Variants in MYRFL observed in about 807,000 individuals in gnomAD.
MYRFL encodes the protein myelin regulatory factor like.
MYRFL carries 88 observed loss-of-function variants against 109.4 expected under a neutral mutation model. That is an observed-to-expected ratio of 0.80 (90% CI 0.68 to 0.96). The LOEUF (loss-of-function observed/expected upper bound fraction) is 0.96. MYRFL is among the 40% of genes least tolerant of loss of function. MYRFL has a pLI of 0.00. For synonymous variants in MYRFL, 324 were observed against 320.9 expected (o/e 1.01, Z -0.10); for missense variants, 957 against 954.9 (o/e 1.00, Z -0.03).
intron 19 of MYRFL, among the ~76,000 whole-genome samples, chr12:69,940,732 G>C (rs1351963916): frequency 4.1e-5 from 6 of 147,310 alleles, no homozygotes; most frequent in African/African-American, 1.5e-4. Flanking sequence ...AAAAGACACA[G>C]ACTGGCAAAT....
chr12:69,950,932 A>G (rs1006106356), intron 19 of MYRFL, among the ~76,000 whole-genome samples: 16 of 152,244 alleles, frequency 1.1e-4, no homozygotes, highest in Non-Finnish European at 2.4e-4. Flanking sequence ...AAAGAAAGAC[A>G]GTTTCCATAG....
chr12:69,844,397 G>A (rs939031477), intron 1 of MYRFL, among the ~76,000 whole-genome samples: 10 of 152,198 alleles, frequency 6.6e-5, no homozygotes, highest in Non-Finnish European at 1.3e-4. Context: ...TGTGTGGCGG[G>A]TGTGGAGGGG....
intron 19 of MYRFL, among the ~76,000 whole-genome samples, chr12:69,944,805 C>T (rs910960613): frequency 4.6e-5 from 7 of 152,066 alleles, no homozygotes; most frequent in African/African-American, 1.7e-4. Context: ...TGCAGCAAAC[C>T]ACCAAGGCGT....
At chr12:69,911,264 A>G (rs1954560038) in intron 13 of MYRFL, among the ~76,000 whole-genome samples, 1 of 152,232 alleles carries the variant, frequency 6.6e-6, no homozygotes, top group Non-Finnish European at 1.5e-5. Flanking sequence ...CTGACAAAAA[A>G]GTTTTAATTA....
chr12:69,885,291 T>C (rs1416618492), intron 5 of MYRFL, among the ~76,000 whole-genome samples: 1 of 151,880 alleles, frequency 6.6e-6, no homozygotes, highest in Non-Finnish European at 1.5e-5. Context: ...TTAAGTGACA[T>C]TTAATAGCAA....
At chr12:69,849,279 C>G (rs987632642) in intron 1 of MYRFL, among the ~76,000 whole-genome samples, 3 of 152,104 alleles carry the variant, frequency 2.0e-5, no homozygotes, top group African/African-American at 4.8e-5. Flanking sequence ...ATGTTGAATG[C>G]CTTTTGGCAT....
chr12:69,928,065 GCCTTGACCGCCACCC>G (rs1335001328), intron 15 of MYRFL, among the ~76,000 whole-genome samples: 1 of 152,180 alleles, frequency 6.6e-6, no homozygotes, highest in Non-Finnish European at 1.5e-5. Context: ...CTATGTACAT[GCCTTGACCGCCACCC>G]CCTTATCTTT....
At chr12:69,886,674 A>C in intron 5 of MYRFL, 146 bp from the exon 6 acceptor site, 1 of 948,476 alleles carries the variant, frequency 1.1e-6, no homozygotes, top group Non-Finnish European at 1.5e-6. Context: ...AAATGAGGTC[A>C]GCAACACACC....
At chr12:69,898,520 A>AGG (rs984926609) in intron 10 of MYRFL, among the ~76,000 whole-genome samples, 1 of 152,170 alleles carries the variant, frequency 6.6e-6, no homozygotes, top group African/African-American at 2.4e-5. Flanking sequence ...ATCCCTCTGC[A>AGG]GGGGCCAGGG....
chr12:69,854,433 G>T (rs1176724022), intron 1 of MYRFL, among the ~76,000 whole-genome samples: 1 of 152,062 alleles, frequency 6.6e-6, no homozygotes, highest in Non-Finnish European at 1.5e-5. Flanking sequence ...ACCCTGGCTG[G>T]AGTGCAGTGG....
chr12:69,906,285 C>T (rs897103525), intron 11 of MYRFL, among the ~76,000 whole-genome samples: 18 of 152,118 alleles, frequency 1.2e-4, no homozygotes, highest in Admixed American at 2.6e-4. Context: ...CAGATATGAC[C>T]GAAACCTCTG....
intron 7 of MYRFL, among the ~76,000 whole-genome samples, chr12:69,893,325 T>G (rs1887028523): frequency 6.6e-6 from 1 of 152,242 alleles, no homozygotes; most frequent in Admixed American, 6.5e-5. Context: ...TGTTTCTTCA[T>G]AGTAGAATGA....
chr12:69,921,223 G>T (rs1280696016), intron 13 of MYRFL, among the ~76,000 whole-genome samples: 1 of 151,390 alleles, frequency 6.6e-6, no homozygotes, highest in Admixed American at 6.6e-5. Context: ...ATTTTTTTTT[G>T]TAGAGCTGGG....
At chr12:69,896,758 A>AG (rs1443768596) in intron 9 of MYRFL, among the ~76,000 whole-genome samples, 1 of 152,218 alleles carries the variant, frequency 6.6e-6, no homozygotes, top group African/African-American at 2.4e-5. Flanking sequence ...GGGACCTTTA[A>AG]GGTGGCTTCC....
intron 5 of MYRFL, among the ~76,000 whole-genome samples, chr12:69,882,773 A>G (rs947232686): frequency 3.3e-5 from 5 of 152,176 alleles, no homozygotes; most frequent in African/African-American, 1.2e-4. Flanking sequence ...CCTCCCTGGA[A>G]GGCTTCAATC....
intron 7 of MYRFL, among the ~76,000 whole-genome samples, chr12:69,891,665 C>CTTTCTTTCTTTCTTTCTTTCTTTCT (rs1886885742): frequency 1.1e-5 from 1 of 88,884 alleles, no homozygotes; most frequent in Non-Finnish European, 2.4e-5. Flanking sequence ...TTCTTTCTTT[C>CTTTCTTTCTTTCTTTCTTTCTTTCT]TTTCTTTCTT....
chr12:69,825,258 A>G lies in MYRFL; in HGVS notation c.-260A>G. ...GAAACAGTTCCTTATATTAAGACAG[A>G]TGAATTTGCTACCTCTTCCCTCTTC... On this transcript the variant is annotated 5_prime_UTR_variant, in exon 1 of 25. The change abolishes an upstream ATG in the 5' untranslated region. Coordinates refer to ENST00000552032, the MANE Select transcript of MYRFL (RefSeq NM_182530.3). 6.2e-6 allele frequency: 4 copies of G among 646,758 alleles called. No individual in the cohort carries two copies. In the South Asian group the frequency reaches 6.6e-5, roughly 11 times the overall value. 40.1% of individuals were successfully genotyped at this position (646,758 alleles called of 1,614,324 possible). A position where few individuals can be genotyped will look rare whatever the true frequency, so the allele number is the denominator to read the frequency against.
In MYRFL at chr12:69,879,443, C is replaced by T. The variant is rs901318588; in HGVS notation, c.454C>T (p.His152Tyr). 1 of 702,466 alleles carries T rather than the reference C, an allele frequency of 1.4e-6. No homozygotes were observed. Among genetic ancestry groups the T allele is most frequent in the Admixed American group, 2.0e-5 (1 of 50,012 alleles). 43.5% of individuals were successfully genotyped at this position (702,466 alleles called of 1,614,324 possible). A position where few individuals can be genotyped will look rare whatever the true frequency, so the allele number is the denominator to read the frequency against. Reference sequence around the variant, plus strand: ...TTCTTACCCTCAGCAGCCTCTGTGTCACAGCCCTGGGTAAAGAAAAAGATA... The same window carrying T: ...TTCTTACCCTCAGCAGCCTCTGTGTTACAGCCCTGGGTAAAGAAAAAGATA... Reference protein sequence around the residue: ...GCSYPQQPLCHSPGASLPPTK... With the variant: ...GCSYPQQPLCYSPGASLPPTK... The change falls in exon 4 of 25, where the codon CAC becomes TAC. Residue 152 changes from histidine to tyrosine, a missense_variant. His to Tyr is a moderately conservative substitution (Grantham distance 83). Coordinates refer to ENST00000552032, the MANE Select transcript of MYRFL (RefSeq NM_182530.3).
intron 13 of MYRFL, among the ~76,000 whole-genome samples, chr12:69,924,791 G>GT (rs939088469): frequency 3.3e-5 from 5 of 151,994 alleles, no homozygotes; most frequent in Admixed American, 6.6e-5. Flanking sequence ...GATTTTTTGT[G>GT]TTTTTTTGGT....
Sources: allele counts gnomAD v4.1 joint callset (sites outside exome capture counted in the v4.1 genomes callset), GRCh38; gene constraint gnomAD v4.1.1; transcripts MANE v1.5; gene names NCBI Gene and HGNC (gene_info 2026-07-23, HGNC 2026-07-21).